The following FYN variants were observed in gnomAD, a reference collection of about 807,000 sequenced individuals.
FYN encodes the protein tyrosine-protein kinase Fyn.
FYN carries 10 observed loss-of-function variants against 70.2 expected under a neutral mutation model. The observed-to-expected ratio is 0.14, with a 90% CI of 0.09 to 0.24. The LOEUF (loss-of-function observed/expected upper bound fraction) is 0.24, where lower values mean the gene tolerates loss of function less well. Ranked by LOEUF, FYN falls within the 10% of genes least tolerant of loss-of-function variation. The pLI is 1.00. For missense variants in FYN, 319 were observed against 673.1 expected, an observed-to-expected ratio of 0.47 and a Z score of 5.82; for synonymous variants, 236 against 248.6, an observed-to-expected ratio of 0.95 and a Z score of 0.48.
intron 13 of FYN, among the ~76,000 whole-genome samples, chr6:111,673,593 C>T (rs898302808): frequency 1.4e-5 from 2 of 147,304 alleles, no homozygotes; most frequent in Non-Finnish European, 3.0e-5. Flanking sequence ...CTAAATTCCT[C>T]ATTAATCGTC....
chr6:111,783,387 C>T (rs969475506), intron 2 of FYN, among the ~76,000 whole-genome samples: 2 of 152,170 alleles, frequency 1.3e-5, no homozygotes, highest in African/African-American at 2.4e-5. Context: ...GGATTTGGCA[C>T]ACTCTTTTTA....
intron 1 of FYN, among the ~76,000 whole-genome samples, chr6:111,849,942 T>C (rs1030837314): frequency 3.3e-5 from 5 of 152,214 alleles, no homozygotes; most frequent in African/African-American, 1.2e-4. Flanking sequence ...GACTGTCAGC[T>C]TCTTGGTGAC....
intron 2 of FYN, among the ~76,000 whole-genome samples, chr6:111,830,506 A>T (rs775336393): frequency 9.5e-4 from 93 of 98,326 alleles, no homozygotes; most frequent in Non-Finnish European, 6.2e-4. Context: ...GTGGTAGCAC[A>T]GTGCTGGGAG....
chr6:111,698,507 A>G (rs1047056598), intron 9 of FYN, among the ~76,000 whole-genome samples: 2 of 152,162 alleles, frequency 1.3e-5, no homozygotes, highest in East Asian at 3.8e-4. Context: ...ACTGATCGAT[A>G]TTGTTTTTAA....
At chr6:111,680,784 G>A (rs1030735901) in intron 12 of FYN, among the ~76,000 whole-genome samples, 6 of 152,100 alleles carry the variant, frequency 3.9e-5, no homozygotes, top group East Asian at 3.9e-4. Context: ...CAATAATTTC[G>A]GTAACAAAGC....
intron 12 of FYN, among the ~76,000 whole-genome samples, chr6:111,685,891 A>T (rs557302176): frequency 1.3e-5 from 2 of 152,322 alleles, no homozygotes; most frequent in South Asian, 4.1e-4. Flanking sequence ...AAAGGTGTGC[A>T]AAGAAGCTGG....
At chr6:111,826,090 T>C (rs140050078) in intron 2 of FYN, among the ~76,000 whole-genome samples, 180 of 152,268 alleles carry the variant, frequency 1.2e-3, no homozygotes, top group African/African-American at 4.1e-3. Flanking sequence ...GCCAATCTCA[T>C]TGAAAAAGGA....
At chr6:111,798,801 T>TA (rs1474934144) in intron 2 of FYN, among the ~76,000 whole-genome samples, 1 of 152,236 alleles carries the variant, frequency 6.6e-6, no homozygotes, top group Non-Finnish European at 1.5e-5. Flanking sequence ...GGCTTGTTTT[T>TA]ATCTATACAG....
intron 3 of FYN, among the ~76,000 whole-genome samples, chr6:111,764,688 C>A (rs1441110245): frequency 1.3e-5 from 2 of 152,052 alleles, no homozygotes; most frequent in Admixed American, 6.5e-5. Context: ...CATTCTCCCA[C>A]GTCACTTATC....
intron 9 of FYN, chr6:111,696,777 C>T (rs1799594096): frequency 1.1e-5 from 2 of 189,876 alleles, no homozygotes; most frequent in African/African-American, 2.4e-5. Flanking sequence ...CTGCACCATA[C>T]AGTGATGAAA....
intron 12 of FYN, among the ~76,000 whole-genome samples, chr6:111,686,332 T>C (rs1164803669): frequency 2.0e-5 from 3 of 152,146 alleles, no homozygotes; most frequent in Non-Finnish European, 4.4e-5. Flanking sequence ...TCCGGGAAGC[T>C]TGATTACAAG....
At chr6:111,671,090 G>A (rs1457524483) in intron 13 of FYN, among the ~76,000 whole-genome samples, 1 of 152,180 alleles carries the variant, frequency 6.6e-6, no homozygotes, top group Non-Finnish European at 1.5e-5. Context: ...ATCCATACTT[G>A]TTACACATCT....
chr6:111,740,608 T>G (rs540885968), intron 3 of FYN, among the ~76,000 whole-genome samples: 7 of 152,226 alleles, frequency 4.6e-5, no homozygotes, highest in Non-Finnish European at 7.3e-5. Context: ...GGAATGAATT[T>G]AAATGATATG....
chr6:111,797,707 TA>T (rs1562525336), intron 2 of FYN, among the ~76,000 whole-genome samples: 5 of 90,912 alleles, frequency 5.5e-5, no homozygotes, highest in Non-Finnish European at 1.1e-4. Flanking sequence ...TATATATATA[TA>T]TATACACACA....
intron 3 of FYN, among the ~76,000 whole-genome samples, chr6:111,722,852 C>T (rs1440791927): frequency 6.6e-6 from 1 of 152,200 alleles, no homozygotes; most frequent in Non-Finnish European, 1.5e-5. Context: ...CTGATTTACA[C>T]GAAGGAAAGA....
rs1484879732 is a variant in FYN at position 111,797,091 on chromosome 6, T to C, written c.-81-16456A>G. ...GAAGTTACTCAGGGATTTTCAGATG[T>C]AATGACAAGAGTCAGACAATCCTTG... On this transcript the variant is annotated intron_variant, in intron 2 of 13. Transcript: ENST00000354650. Among the ~76,000 whole-genome samples the C allele has an allele frequency of 2.6e-5, 4 of 152,308 alleles. No homozygotes were observed. The East Asian group carries it at 5.8e-4, about 22-fold the overall frequency.
At chr6:111,831,483 G>A (rs1486912515) in intron 2 of FYN, among the ~76,000 whole-genome samples, 1 of 152,038 alleles carries the variant, frequency 6.6e-6, no homozygotes, top group Non-Finnish European at 1.5e-5. Context: ...TTAGCACAAG[G>A]GTACCTGGCT....
At chr6:111,764,534 T>C (rs80018833) in intron 3 of FYN, among the ~76,000 whole-genome samples, 5,507 of 152,306 alleles carry the variant, frequency 0.036, 209 homozygotes, top group East Asian at 0.2. Flanking sequence ...CTTTGCATAA[T>C]GCAAAGCTTG....
chr6:111,849,967 G>A (rs1400102301), intron 1 of FYN, among the ~76,000 whole-genome samples: 2 of 152,202 alleles, frequency 1.3e-5, no homozygotes, highest in Non-Finnish European at 2.9e-5. Context: ...ACTACACCAA[G>A]CATGGTACCT....
Sources: gnomAD v4.1 joint callset for allele counts (sites outside exome capture counted in the v4.1 genomes callset) on GRCh38, gnomAD v4.1.1 for gene constraint, MANE v1.5 for transcripts, NCBI Gene and HGNC (gene_info 2026-07-23, HGNC 2026-07-21) for gene names.